Variants in FAM240C observed in about 807,000 individuals in gnomAD.
FAM240C encodes family with sequence similarity 240 member C.
In FAM240C, 14 loss-of-function variants were observed where a neutral mutation model predicts 10.0. That is an observed-to-expected ratio of 1.40 (90% CI 0.92 to 2.19). The LOEUF (loss-of-function observed/expected upper bound fraction) is 2.19. Ranked by LOEUF, FAM240C falls within the 30% of genes most tolerant of loss-of-function variation. The pLI is 0.00. For missense variants in FAM240C, 154 were observed against 122.3 expected, an observed-to-expected ratio of 1.26 and a Z score of -1.22; for synonymous variants, 49 against 44.3, an observed-to-expected ratio of 1.11 and a Z score of -0.42.
chr2:241,894,297 C>T lies in FAM240C; in HGVS notation c.204G>A (p.Lys68=), dbSNP rs762785920. The change falls in exon 3 of 3, where the codon AAG becomes AAA. Residue 68 remains lysine (K), a synonymous_variant. Coordinates refer to ENST00000404031, the MANE Select transcript of FAM240C (RefSeq NM_001382368.1). ...GWAEQLEGRN[K]MLQGPGRCPD... ...GGCATCTCCCTGGGCCCTGCAGCAT[C>T]TTGTTCCTCCCCTCCAGCTGCTCAG... The T allele has an allele frequency of 1.9e-5, 30 of 1,549,510 alleles. 2 individuals are homozygous for T. The South Asian group carries it at 3.5e-4, about 18-fold the overall frequency.
intron 1 of FAM240C, among the ~76,000 whole-genome samples, chr2:241,898,795 G>A (rs928784906): frequency 1.3e-5 from 2 of 152,144 alleles, no homozygotes; most frequent in African/African-American, 4.8e-5. Flanking sequence ...GGGAGCCAGG[G>A]CCACGTTTCG....
intron 1 of FAM240C, 141 bp from the exon 2 acceptor site, chr2:241,897,475 G>A (rs1336912146): frequency 3.0e-6 from 3 of 994,546 alleles, no homozygotes; most frequent in African/African-American, 1.6e-5. Flanking sequence ...GTGGGGGATG[G>A]CGGAGGCTGC....
In FAM240C at chr2:241,896,585, GT is replaced by G. The variant is rs1315333778; in HGVS notation, c.161+600del. Among the ~76,000 whole-genome samples, 37 of 131,908 alleles carry G rather than the reference GT, an allele frequency of 2.8e-4. 1 individual carries two copies. Among genetic ancestry groups the G allele is most frequent in the Non-Finnish European group, 5.3e-4 (31 of 58,740 alleles). The allele number at this position is 131,908 out of a possible 152,430, so 86.5% of individuals were successfully genotyped here. ...GGGGTGTGGGTGTGGGGGTGTGGGT[GT>G]TGGGGTGTGGGTGAAGGGGTGTGGG... is the stretch of plus-strand genomic sequence containing the variant. On this transcript the variant is annotated intron_variant, in intron 2 of 2. Coordinates refer to ENST00000404031, the MANE Select transcript of FAM240C (RefSeq NM_001382368.1).
At chr2:241,898,068 A>G (rs942760425) in intron 1 of FAM240C, among the ~76,000 whole-genome samples, 1 of 152,152 alleles carries the variant, frequency 6.6e-6, no homozygotes, top group East Asian at 1.9e-4. Flanking sequence ...GTTATTGGGT[A>G]CCTTTTGGTT....
At chr2:241,896,713 TGG>T in intron 2 of FAM240C, among the ~76,000 whole-genome samples, 1 of 1,196 alleles carries the variant, frequency 8.4e-4, no homozygotes, top group Admixed American at 0.014. Flanking sequence ...GTGTGGGTGT[TGG>T]GGGTGTGTGT....
In FAM240C at chr2:241,894,667, C is replaced by T. The variant is rs527982640; in HGVS notation, c.162-328G>A. Among the ~76,000 whole-genome samples, 9 of 151,726 alleles carry T rather than the reference C, an allele frequency of 5.9e-5. No homozygotes were observed. In the South Asian group the frequency reaches 1.7e-3, roughly 28 times the overall value. ...CAGCCTGGGTCCCCAGTTCTGGAAG[C>T]TTCTGAGCCCCGGAGAGACTGTGCC... On this transcript the variant is annotated intron_variant, in intron 2 of 2. Transcript: ENST00000404031.
chr2:241,896,181 C>T (rs1701797239), intron 2 of FAM240C, among the ~76,000 whole-genome samples: 2 of 152,312 alleles, frequency 1.3e-5, no homozygotes, highest in Middle Eastern at 3.4e-3. Flanking sequence ...CTGCTGTGTG[C>T]CGGCCAGTGT....
intron 1 of FAM240C, 125 bp from the exon 2 acceptor site, chr2:241,897,459 T>G: frequency 1.7e-6 from 2 of 1,194,212 alleles, no homozygotes; most frequent in Non-Finnish European, 2.3e-6. Flanking sequence ...CCCGCCTTCC[T>G]GGTTCGTGGG....
At chr2:241,897,926 G>T (rs1175962368) in intron 1 of FAM240C, among the ~76,000 whole-genome samples, 1 of 152,138 alleles carries the variant, frequency 6.6e-6, no homozygotes, top group Non-Finnish European at 1.5e-5. Flanking sequence ...GTAGAGATTG[G>T]GTCTCACTAT....
At chr2:241,897,538 C>T (rs934060611) in intron 1 of FAM240C, among the ~76,000 whole-genome samples, 2 of 152,144 alleles carry the variant, frequency 1.3e-5, no homozygotes, top group Non-Finnish European at 2.9e-5. Flanking sequence ...AACGCTCTAC[C>T]GGCTCCACCT....
At chr2:241,895,082 T>C (rs1384096025) in intron 2 of FAM240C, among the ~76,000 whole-genome samples, 1 of 152,216 alleles carries the variant, frequency 6.6e-6, no homozygotes, top group Non-Finnish European at 1.5e-5. Flanking sequence ...GTGAGCTGTG[T>C]CCATGAGGAC....
chr2:241,900,224 C>T lies in FAM240C; in HGVS notation c.12+134G>A, dbSNP rs1272971007. 2 of 647,084 alleles carry T rather than the reference C, an allele frequency of 3.1e-6. No homozygotes were observed. Among genetic ancestry groups the T allele is most frequent in the Admixed American group, 2.4e-5 (1 of 42,296 alleles). The allele number at this position is 647,084 out of a possible 1,614,324, so 40.1% of individuals were successfully genotyped here. ...GAAAACAAAATTACAAAGTTCAGTT[C>T]CCCCAGCGAAATGCGGGTGGGCTCA... On this transcript the variant is annotated intron_variant, in intron 1 of 2. Coordinates refer to ENST00000404031, the MANE Select transcript of FAM240C (RefSeq NM_001382368.1). This position sits in a 1 kb window ranked among gnomAD's most constrained non-coding sequence, Gnocchi z 4.5.
At chr2:241,899,225 T>C (rs549516533) in intron 1 of FAM240C, 144 of 1,303,676 alleles carry the variant, frequency 1.1e-4, no homozygotes, top group Non-Finnish European at 1.3e-4. Context: ...GCTGGGGGCT[T>C]CCAGCTGCAG....
At chr2:241,897,563 C>T (rs1281020463) in intron 1 of FAM240C, among the ~76,000 whole-genome samples, 1 of 152,210 alleles carries the variant, frequency 6.6e-6, no homozygotes, top group Non-Finnish European at 1.5e-5. Flanking sequence ...GAGCAGTCTC[C>T]TGGGTTGGCA....
At position 241,897,213 on chromosome 2, in the gene FAM240C, A is replaced by G. The variant is rs1673791493; in HGVS notation, c.134T>C (p.Ile45Thr). 5.8e-6 allele frequency: 9 copies of G among 1,549,870 alleles called. No homozygotes were observed. The highest frequency in any genetic ancestry group is 4.4e-6 in the Non-Finnish European group (5 of 1,146,498). Residue 45 changes from isoleucine (I) to threonine (T), a missense_variant, in exon 2 of 3, where the codon ATC becomes ACC. Ile to Thr is a moderately conservative substitution (Grantham distance 89). Transcript: ENST00000404031. ...GTTCAGAGCGCTTCTGCGAACCCTG[A>G]TGTCCTCGTTCTGCAGGTGTCTTGC... Reference protein sequence around the residue: ...HHARHLQNEDIRVRRSALNKL... With the variant: ...HHARHLQNEDTRVRRSALNKL...
intron 2 of FAM240C, among the ~76,000 whole-genome samples, chr2:241,896,979 A>G (rs1303159711): frequency 6.6e-6 from 1 of 151,748 alleles, no homozygotes; most frequent in East Asian, 1.9e-4. Flanking sequence ...TTTCCCACCT[A>G]CTGTTCCAAG....
Position 241,894,068 on chromosome 2 carries a change from G to A in FAM240C, c.*145C>T. 2.2e-6 allele frequency: 2 copies of A among 897,192 alleles called. No individual in the cohort carries two copies. The highest frequency in any genetic ancestry group is 5.4e-4 in the Middle Eastern group (2 of 3,680). 55.6% of individuals were successfully genotyped at this position (897,192 alleles called of 1,614,324 possible). A position where few individuals can be genotyped will look rare whatever the true frequency, so the allele number is the denominator to read the frequency against. On this transcript the variant is annotated 3_prime_UTR_variant, in exon 3 of 3. Transcript: ENST00000404031. Reference sequence around the variant, plus strand: ...TCTGCTGCAGCGTGGACCCCGAGGTGGGATTATTACGGGGTCAGCGAGGTG... The same window carrying A: ...TCTGCTGCAGCGTGGACCCCGAGGTAGGATTATTACGGGGTCAGCGAGGTG...
chr2:241,895,491 GGC>G (rs1701774581), intron 2 of FAM240C, among the ~76,000 whole-genome samples: 1 of 152,226 alleles, frequency 6.6e-6, no homozygotes. Flanking sequence ...CCTCTCTCAC[GGC>G]GGCTTCCTGG....
intron 2 of FAM240C, 38 bp from the exon 3 acceptor site, chr2:241,894,377 C>T: frequency 6.6e-7 from 1 of 1,522,096 alleles, no homozygotes. Flanking sequence ...GTGAGTCAAG[C>T]TCTCGGAACT....
Sources: gnomAD v4.1 joint callset for allele counts (sites outside exome capture counted in the v4.1 genomes callset) on GRCh38, gnomAD v4.1.1 for gene constraint, Gnocchi (gnomAD v3.1) non-coding constraint, MANE v1.5 for transcripts, NCBI Gene and HGNC (gene_info 2026-07-23, HGNC 2026-07-21) for gene names.